The following ABTB3 variants were observed in gnomAD, a reference collection of about 807,000 sequenced individuals.
The protein encoded by ABTB3 is ankyrin repeat- and BTB/POZ domain-containing protein 3.
the ABTB3 span, among the ~76,000 whole-genome samples, chr12:107,604,086 G>A: frequency 7.9e-5 from 12 of 151,904 alleles, no homozygotes; most frequent in Admixed American, 1.3e-4. Flanking sequence ...GGAGAATGGC[G>A]TGAACCCAGG....
At chr12:107,459,794 G>A in the ABTB3 span, among the ~76,000 whole-genome samples, 1 of 152,252 alleles carries the variant, frequency 6.6e-6, no homozygotes, top group East Asian at 1.9e-4. Flanking sequence ...CCATGCACAG[G>A]CCCTCTGTGG....
At chr12:107,551,338 G>GA in the ABTB3 span, among the ~76,000 whole-genome samples, 33 of 151,158 alleles carry the variant, frequency 2.2e-4, no homozygotes, top group East Asian at 7.7e-4. Flanking sequence ...TTCCTAAGGA[G>GA]AAAAAAAAAT....
chr12:107,633,578 C>A, the ABTB3 span, among the ~76,000 whole-genome samples: 2 of 152,144 alleles, frequency 1.3e-5, no homozygotes, highest in Non-Finnish European at 2.9e-5. Context: ...TGGGAGTCAC[C>A]TGCAGAGTGT....
the ABTB3 span, among the ~76,000 whole-genome samples, chr12:107,339,268 G>T: frequency 6.6e-6 from 1 of 152,142 alleles, no homozygotes; most frequent in African/African-American, 2.4e-5. Context: ...AAGTGCAGAG[G>T]CTTAAGCCCC....
At chr12:107,528,448 A>G in the ABTB3 span, among the ~76,000 whole-genome samples, 1 of 152,232 alleles carries the variant, frequency 6.6e-6, no homozygotes, top group African/African-American at 2.4e-5. Context: ...CAGATATGAG[A>G]GACATAATGA....
At chr12:107,509,271 T>C in the ABTB3 span, among the ~76,000 whole-genome samples, 1,162 of 152,212 alleles carry the variant, frequency 7.6e-3, 13 homozygotes, top group Middle Eastern at 0.027. Context: ...TTGGATTACA[T>C]GGAAAGGGAA....
the ABTB3 span, among the ~76,000 whole-genome samples, chr12:107,487,376 G>T: frequency 6.6e-6 from 1 of 152,126 alleles, no homozygotes; most frequent in Non-Finnish European, 1.5e-5. Context: ...GGGGTTGGAG[G>T]TCTAGTTCCT....
At chr12:107,540,860 G>T in the ABTB3 span, among the ~76,000 whole-genome samples, 1 of 152,106 alleles carries the variant, frequency 6.6e-6, no homozygotes, top group East Asian at 1.9e-4. Flanking sequence ...AAATAGCCGG[G>T]CATGGTGGCT....
At chr12:107,566,921 T>A in the ABTB3 span, among the ~76,000 whole-genome samples, 3 of 152,286 alleles carry the variant, frequency 2.0e-5, no homozygotes, top group Non-Finnish European at 4.4e-5. Flanking sequence ...GAGACCAGCC[T>A]GGGTAACAGA....
At chr12:107,380,515 G>A in the ABTB3 span, among the ~76,000 whole-genome samples, 9 of 152,156 alleles carry the variant, frequency 5.9e-5, no homozygotes, top group Admixed American at 5.9e-4. Flanking sequence ...GTCTGAAAGA[G>A]GACCACGCCC....
chr12:107,620,743 A>G, the ABTB3 span, among the ~76,000 whole-genome samples: 2 of 152,254 alleles, frequency 1.3e-5, 1 homozygote, highest in Middle Eastern at 6.8e-3. Flanking sequence ...CTTGGGATTC[A>G]CCCGTGCTGA....
the ABTB3 span, chr12:107,610,213 C>G: frequency 6.2e-7 from 1 of 1,614,196 alleles, no homozygotes; most frequent in Non-Finnish European, 8.5e-7. Flanking sequence ...TTTTGTGCAT[C>G]TCGAAAGCTG....
At chr12:107,600,565 G>A in the ABTB3 span, among the ~76,000 whole-genome samples, 1 of 152,146 alleles carries the variant, frequency 6.6e-6, no homozygotes, top group East Asian at 1.9e-4. Context: ...ACAGCAGAAC[G>A]GGGCTGCATC....
At chr12:107,568,163 A>G in the ABTB3 span, among the ~76,000 whole-genome samples, 1 of 152,212 alleles carries the variant, frequency 6.6e-6, no homozygotes, top group East Asian at 1.9e-4. Context: ...ATCAAACCCT[A>G]GCTCTCCCCA....
chr12:107,334,895 A>C, the ABTB3 span, among the ~76,000 whole-genome samples: 1 of 152,106 alleles, frequency 6.6e-6, no homozygotes, highest in African/African-American at 2.4e-5. Flanking sequence ...GGTCCCTTGC[A>C]TCAGGTGGTA....
the ABTB3 span, among the ~76,000 whole-genome samples, chr12:107,490,851 G>A: frequency 2.0e-5 from 3 of 152,086 alleles, no homozygotes; most frequent in African/African-American, 7.3e-5. Flanking sequence ...CTGGCTCAGA[G>A]CTTTTAAATG....
chr12:107,647,832 CTAACT>C, the ABTB3 span, among the ~76,000 whole-genome samples: 18 of 152,200 alleles, frequency 1.2e-4, no homozygotes, highest in Non-Finnish European at 5.9e-5. Context: ...CACACAGAGC[CTAACT>C]TAATTCAGGT....
chr12:107,525,498 G>A, the ABTB3 span, among the ~76,000 whole-genome samples: 5 of 152,128 alleles, frequency 3.3e-5, no homozygotes, highest in Non-Finnish European at 7.4e-5. Flanking sequence ...TACTGTACAG[G>A]TTTGTAGGCT....
the ABTB3 span, among the ~76,000 whole-genome samples, chr12:107,456,384 G>A: frequency 1.3e-5 from 2 of 152,296 alleles, no homozygotes; most frequent in Non-Finnish European, 1.5e-5. Flanking sequence ...TCGCATTACC[G>A]CCTAAGCGGC....
Sources: gnomAD v4.1 joint callset for allele counts (sites outside exome capture counted in the v4.1 genomes callset) on GRCh38, gnomAD v4.1.1 for gene constraint, MANE v1.5 for transcripts, NCBI Gene and HGNC (gene_info 2026-07-23, HGNC 2026-07-21) for gene names.